The following FOXJ3 variants were observed in gnomAD, a reference collection of about 807,000 sequenced individuals.
The protein encoded by FOXJ3 is forkhead box protein J3.
FOXJ3 carries 22 observed loss-of-function variants against 76.1 expected under a neutral mutation model. That is an observed-to-expected ratio of 0.29 (90% confidence interval 0.21 to 0.41). FOXJ3 has a LOEUF of 0.41. Among genes scored for constraint, FOXJ3 ranks in the 10% least tolerant of loss-of-function variants. FOXJ3 has a pLI of 1.00. For missense variants in FOXJ3, 613 were observed against 762.1 expected, an observed-to-expected ratio of 0.80 and a Z score of 2.30; for synonymous variants, 269 against 261.2, an observed-to-expected ratio of 1.03 and a Z score of -0.29.
chr1:42,286,249 A>AT (rs1444043275), intron 2 of FOXJ3, among the ~76,000 whole-genome samples: 1 of 152,216 alleles, frequency 6.6e-6, no homozygotes, highest in Non-Finnish European at 1.5e-5. Flanking sequence ...GCTGGTGTTA[A>AT]TTTTTTCTAA....
intron 1 of FOXJ3, among the ~76,000 whole-genome samples, chr1:42,317,530 A>AC (rs1393869782): frequency 1.3e-5 from 2 of 151,806 alleles, no homozygotes; most frequent in Non-Finnish European, 2.9e-5. Context: ...AAAAAAAAAA[A>AC]AAAAACTTGA....
intron 4 of FOXJ3, among the ~76,000 whole-genome samples, chr1:42,252,581 A>G (rs1446996949): frequency 6.8e-6 from 1 of 148,084 alleles, no homozygotes; most frequent in Non-Finnish European, 1.5e-5. Context: ...CAGCTCCTGG[A>G]TTCATTAATT....
chr1:42,215,904 C>T (rs1647054368), intron 5 of FOXJ3, among the ~76,000 whole-genome samples: 1 of 151,808 alleles, frequency 6.6e-6, no homozygotes, highest in African/African-American at 2.4e-5. Flanking sequence ...ACATACCTAG[C>T]ACTTTGGGAG....
chr1:42,225,211 C>T (rs1254759874), intron 5 of FOXJ3, among the ~76,000 whole-genome samples: 2 of 152,132 alleles, frequency 1.3e-5, no homozygotes, highest in Non-Finnish European at 2.9e-5. Context: ...AAAGGAATCA[C>T]AAATTTCAGA....
At chr1:42,272,850 G>A (rs190683036) in intron 3 of FOXJ3, among the ~76,000 whole-genome samples, 1 of 152,104 alleles carries the variant, frequency 6.6e-6, no homozygotes, top group Non-Finnish European at 1.5e-5. Flanking sequence ...ATATTCATAG[G>A]ATCTCCATAT....
chr1:42,309,755 T>G (rs922327689), intron 2 of FOXJ3, among the ~76,000 whole-genome samples: 2 of 152,216 alleles, frequency 1.3e-5, no homozygotes, highest in Admixed American at 6.5e-5. Flanking sequence ...TATTCTAAGA[T>G]TTCAATTAGC....
intron 11 of FOXJ3, among the ~76,000 whole-genome samples, chr1:42,188,437 G>GT (rs1557620147): frequency 6.6e-6 from 1 of 152,114 alleles, no homozygotes; most frequent in African/African-American, 2.4e-5. Flanking sequence ...CTATAAAAAC[G>GT]TAAGTATCTC....
At chr1:42,317,434 C>T (rs1339013833) in intron 1 of FOXJ3, among the ~76,000 whole-genome samples, 2 of 145,752 alleles carry the variant, frequency 1.4e-5, no homozygotes, top group Non-Finnish European at 3.0e-5. Flanking sequence ...TTTCAGAGAG[C>T]AATTAAAATC....
chr1:42,259,222 A>G (rs532004544), intron 4 of FOXJ3, among the ~76,000 whole-genome samples: 3 of 152,292 alleles, frequency 2.0e-5, no homozygotes, highest in African/African-American at 7.2e-5. Flanking sequence ...CAAACAGATC[A>G]GTAGTTGCAA....
intron 2 of FOXJ3, among the ~76,000 whole-genome samples, chr1:42,292,785 C>T (rs1570174700): frequency 6.6e-6 from 1 of 152,096 alleles, no homozygotes; most frequent in East Asian, 1.9e-4. Flanking sequence ...AATTACATCT[C>T]AGTGAAGCTG....
intron 2 of FOXJ3, among the ~76,000 whole-genome samples, chr1:42,296,841 T>A (rs1653820673): frequency 6.6e-6 from 1 of 152,222 alleles, no homozygotes. Flanking sequence ...CTGTGAAAAC[T>A]GATGTTAGTA....
At chr1:42,333,803 G>C (rs1656300069) in intron 1 of FOXJ3, among the ~76,000 whole-genome samples, 1 of 152,118 alleles carries the variant, frequency 6.6e-6, no homozygotes, top group African/African-American at 2.4e-5. Flanking sequence ...AAGAGGAAAA[G>C]TGAAGTAAAA....
At chr1:42,212,222 C>G (rs1298708378) in intron 5 of FOXJ3, among the ~76,000 whole-genome samples, 3 of 152,158 alleles carry the variant, frequency 2.0e-5, no homozygotes, top group Non-Finnish European at 4.4e-5. Context: ...GCACTCCAGC[C>G]TGGGTGACAT....
intron 4 of FOXJ3, among the ~76,000 whole-genome samples, chr1:42,252,238 G>C (rs2124573724): frequency 6.6e-6 from 1 of 152,278 alleles, no homozygotes; most frequent in African/African-American, 2.4e-5. Context: ...ATTTGGCTGT[G>C]AATCCATCTG....
intron 2 of FOXJ3, among the ~76,000 whole-genome samples, chr1:42,287,105 C>A (rs746918228): frequency 3.3e-5 from 5 of 151,408 alleles, no homozygotes; most frequent in Non-Finnish European, 5.9e-5. Context: ...CTTTGGGAGG[C>A]CAAAGTGGGC....
chr1:42,309,563 T>C (rs1205857319), intron 2 of FOXJ3, among the ~76,000 whole-genome samples: 1 of 152,212 alleles, frequency 6.6e-6, no homozygotes, highest in East Asian at 1.9e-4. Flanking sequence ...TGTTTATTAA[T>C]TGTCCCTCCA....
intron 5 of FOXJ3, among the ~76,000 whole-genome samples, chr1:42,210,633 TTGGCATTTGAGAAAGCCAACACAAGC>T (rs1443525867): frequency 7.2e-5 from 11 of 152,086 alleles, no homozygotes; most frequent in Middle Eastern, 3.4e-3. Flanking sequence ...ACTACTACAG[TTGGCATTTGAGAAAGCCAACACAAGC>T]TGGCATTTGA....
At chr1:42,230,193 C>T (rs1488187019) in intron 4 of FOXJ3, among the ~76,000 whole-genome samples, 4 of 152,118 alleles carry the variant, frequency 2.6e-5, no homozygotes, top group Non-Finnish European at 4.4e-5. Context: ...TGAAATCTTC[C>T]ACCAAACAGT....
chr1:42,227,944 G>A lies in FOXJ3; in HGVS notation c.467C>T (p.Thr156Ile). Residue 156 changes from threonine to isoleucine, a missense_variant, in exon 5 of 13, where the codon ACC becomes ATC. Transcript: ENST00000361346. ...AGGCAGCACATCTTCCTTCGGATTG[G>A]TGTCTATTGCCCAGTAGGACCCCTA... ...PGKGSYWAID[T>I]NPKEDVLPTR... The A allele has an allele frequency of 6.4e-7, 1 of 1,569,924 alleles. No homozygotes were observed.
Sources: allele counts gnomAD v4.1 joint callset (sites outside exome capture counted in the v4.1 genomes callset), GRCh38; gene constraint gnomAD v4.1.1; transcripts MANE v1.5; gene names NCBI Gene and HGNC (gene_info 2026-07-23, HGNC 2026-07-21).